MACROD2: variants seen among roughly 807,000 people sequenced by gnomAD.
MACROD2 encodes ADP-ribose glycohydrolase MACROD2.
A neutral mutation model predicts 70.4 loss-of-function variants in MACROD2; 36 were observed. The observed-to-expected ratio is 0.51, with a 90% CI of 0.39 to 0.68. The LOEUF (loss-of-function observed/expected upper bound fraction) is 0.68. MACROD2 is among the 30% of genes least tolerant of loss of function. The pLI, the probability that MACROD2 is intolerant of heterozygous loss-of-function variation, is 0.00. For missense variants in MACROD2, 496 were observed against 538.4 expected (o/e 0.92, Z 0.78); for synonymous variants, 172 against 178.8 (o/e 0.96, Z 0.30).
At chr20:15,535,283 G>A (rs1465943563) in intron 8 of MACROD2, among the ~76,000 whole-genome samples, 1 of 151,812 alleles carries the variant, frequency 6.6e-6, no homozygotes, top group Admixed American at 6.6e-5. Flanking sequence ...GCCAAATATT[G>A]TATATAATAC....
At chr20:14,900,994 C>T in intron 5 of MACROD2, among the ~76,000 whole-genome samples, 1 of 152,078 alleles carries the variant, frequency 6.6e-6, no homozygotes, top group South Asian at 2.1e-4. Flanking sequence ...GTAATAGCAA[C>T]TATTTATTTA....
chr20:14,279,624 T>A (rs2082289035), intron 3 of MACROD2, among the ~76,000 whole-genome samples: 1 of 152,192 alleles, frequency 6.6e-6, no homozygotes, highest in Admixed American at 6.6e-5. Flanking sequence ...TTGTGGTCCC[T>A]CAGTTGATAA....
intron 4 of MACROD2, among the ~76,000 whole-genome samples, chr20:14,574,849 A>G (rs564508788): frequency 1.0e-4 from 15 of 147,638 alleles, no homozygotes; most frequent in South Asian, 4.3e-4. Context: ...GTCTCTACTA[A>G]AAATACAAAA....
intron 3 of MACROD2, among the ~76,000 whole-genome samples, chr20:14,268,185 A>T (rs2082159842): frequency 6.6e-6 from 1 of 152,076 alleles, no homozygotes; most frequent in Non-Finnish European, 1.5e-5. Flanking sequence ...AACAAATCCC[A>T]GATTCATATA....
intron 3 of MACROD2, among the ~76,000 whole-genome samples, chr20:14,164,806 A>G (rs532570070): frequency 2.0e-5 from 3 of 152,258 alleles, no homozygotes; most frequent in Non-Finnish European, 2.9e-5. Context: ...CATCTGTACT[A>G]CAGCCCTGCT....
intron 3 of MACROD2, among the ~76,000 whole-genome samples, chr20:14,356,294 T>A (rs193056058): frequency 3.9e-5 from 6 of 152,310 alleles, no homozygotes; most frequent in Admixed American, 3.9e-4. Flanking sequence ...AACCTCTTAC[T>A]ATTTTTTTAG....
chr20:15,635,549 G>T (rs1253030594), intron 8 of MACROD2, among the ~76,000 whole-genome samples: 1 of 151,766 alleles, frequency 6.6e-6, no homozygotes, highest in Non-Finnish European at 1.5e-5. Context: ...GGTACTCTTG[G>T]ACATAAAGAT....
At position 14,355,097 on chromosome 20, in the gene MACROD2, T is replaced by C. The variant is rs1297367937; in HGVS notation, c.272-138382T>C. 2.6e-5 allele frequency among the ~76,000 whole-genome samples: 4 copies of C among 152,182 alleles called. No homozygotes were observed. The East Asian group carries it at 5.8e-4, about 22-fold the overall frequency. On this transcript the variant is annotated intron_variant, in intron 3 of 17. Transcript: ENST00000684519. ...GTGAACAGTGTTGCAGAATAGAAAC[T>C]GGTAGAATGATTTGTTTTCTTATAG... is the stretch of plus-strand genomic sequence containing the variant.
At chr20:14,278,152 A>C (rs2082275001) in intron 3 of MACROD2, among the ~76,000 whole-genome samples, 1 of 152,236 alleles carries the variant, frequency 6.6e-6, no homozygotes, top group African/African-American at 2.4e-5. Flanking sequence ...AATCTTTATT[A>C]GCTGCTTGTT....
intron 5 of MACROD2, among the ~76,000 whole-genome samples, chr20:15,049,357 A>G (rs1039282145): frequency 8.5e-5 from 13 of 152,100 alleles, no homozygotes; most frequent in African/African-American, 3.1e-4. Flanking sequence ...ACTTGTTGCC[A>G]CCAAGAAAAT....
At chr20:14,529,435 C>T (rs2085275704) in intron 4 of MACROD2, among the ~76,000 whole-genome samples, 1 of 152,170 alleles carries the variant, frequency 6.6e-6, no homozygotes, top group Non-Finnish European at 1.5e-5. Flanking sequence ...TCCTAGACTA[C>T]CTCATTACAC....
At chr20:14,797,724 G>C (rs913750352) in intron 5 of MACROD2, among the ~76,000 whole-genome samples, 1 of 152,070 alleles carries the variant, frequency 6.6e-6, no homozygotes, top group African/African-American at 2.4e-5. Flanking sequence ...TATGGGCTAT[G>C]AAGGATATTT....
Position 16,049,950 on chromosome 20 carries a change from G to A in MACROD2, c.*74G>A, listed in dbSNP as rs41276348. ...AGATAGCAGCACACGCTGTGGAGGA[G>A]GGTGGGGGTGGGGGGAAGGCAAGTC... On this transcript the variant is annotated 3_prime_UTR_variant, in exon 18 of 18. Coordinates refer to ENST00000684519, the MANE Select transcript of MACROD2 (RefSeq NM_001351661.2). 33 of 854,328 alleles carry A rather than the reference G, an allele frequency of 3.9e-5. No homozygotes were observed. The South Asian group carries it at 5.1e-4, about 13-fold the overall frequency. The allele number at this position is 854,328 out of a possible 1,614,324, so 52.9% of individuals were successfully genotyped here. A position where few individuals can be genotyped will look rare whatever the true frequency, so the allele number is the denominator to read the frequency against.
intron 2 of MACROD2, among the ~76,000 whole-genome samples, chr20:14,044,266 G>T (rs1251122854): frequency 6.6e-6 from 1 of 152,070 alleles, no homozygotes; most frequent in African/African-American, 2.4e-5. Context: ...TCCTCCTGGT[G>T]GGTTCGTGGT....
At chr20:15,291,159 A>G (rs2077537818) in intron 6 of MACROD2, among the ~76,000 whole-genome samples, 1 of 152,216 alleles carries the variant, frequency 6.6e-6, no homozygotes, top group Non-Finnish European at 1.5e-5. Flanking sequence ...TAGCCTTTTC[A>G]CTTCCATTTT....
intron 8 of MACROD2, among the ~76,000 whole-genome samples, chr20:15,523,287 G>A (rs2047677114): frequency 6.6e-6 from 1 of 152,186 alleles, no homozygotes; most frequent in African/African-American, 2.4e-5. Context: ...AATTTGGGTT[G>A]AGTTCAAACA....
At chr20:14,192,786 G>T (rs1477478048) in intron 3 of MACROD2, among the ~76,000 whole-genome samples, 1 of 152,146 alleles carries the variant, frequency 6.6e-6, no homozygotes, top group Non-Finnish European at 1.5e-5. Flanking sequence ...AGGTAGATTT[G>T]GCAAATTACT....
intron 13 of MACROD2, among the ~76,000 whole-genome samples, chr20:15,976,529 G>C (rs967887562): frequency 6.6e-6 from 1 of 152,200 alleles, no homozygotes; most frequent in African/African-American, 2.4e-5. Context: ...AAGAAAGCAG[G>C]ATGGAATGTG....
chr20:14,069,413 C>T (rs546345887), intron 2 of MACROD2, among the ~76,000 whole-genome samples: 1 of 152,044 alleles, frequency 6.6e-6, no homozygotes, highest in South Asian at 2.1e-4. Context: ...TTGGACAGGG[C>T]ATTCTTTGCT....
Sources: gnomAD v4.1 joint callset for allele counts (sites outside exome capture counted in the v4.1 genomes callset) on GRCh38, gnomAD v4.1.1 for gene constraint, MANE v1.5 for transcripts, NCBI Gene and HGNC (gene_info 2026-07-23, HGNC 2026-07-21) for gene names.